The following QSER1 variants were observed in gnomAD, a reference collection of about 807,000 sequenced individuals.
QSER1 encodes glutamine and serine-rich protein 1.
A neutral mutation model predicts 158.5 loss-of-function variants in QSER1; 49 were observed. That is an observed-to-expected ratio of 0.31 (90% confidence interval 0.25 to 0.39). The LOEUF (loss-of-function observed/expected upper bound fraction) is 0.39, where lower values mean the gene tolerates loss of function less well. Among genes scored for constraint, QSER1 ranks in the 10% least tolerant of loss-of-function variants. The pLI is 1.00. For missense variants in QSER1, 1,754 were observed against 2,010.3 expected (o/e 0.87, Z 2.44); for synonymous variants, 650 against 715.5 (o/e 0.91, Z 1.46).
intron 1 of QSER1, chr11:32,926,604 AGG>A (rs1475797136): frequency 6.6e-6 from 1 of 152,148 alleles, no homozygotes; most frequent in Non-Finnish European, 1.5e-5. Context: ...TTCCAAGAAG[AGG>A]GGGAAAAATC....
At chr11:32,898,954 T>A (rs1027921011) in intron 1 of QSER1, among the ~76,000 whole-genome samples, 3 of 152,146 alleles carry the variant, frequency 2.0e-5, no homozygotes, top group Non-Finnish European at 4.4e-5. Context: ...TCTCACCCTA[T>A]CCCCACCTCC....
chr11:32,951,341 T>G (rs1162280969), intron 4 of QSER1, among the ~76,000 whole-genome samples: 1 of 152,216 alleles, frequency 6.6e-6, no homozygotes, highest in Admixed American at 6.5e-5. Context: ...AGCTTTATGG[T>G]AAGTTTTGAA....
Position 32,954,142 on chromosome 11 carries a change from A to C in QSER1, c.4463A>C (p.Glu1488Ala). ...GGEGQYRERD[E>A]FVVKIEDIET... ...GAAGGCCAATACAGAGAGCGTGATG[A>C]ATTTGTGGTAAAGATAGAAGACATA... The change falls in exon 5 of 13, where the codon GAA (glutamate) becomes GCA (alanine). Residue 1488 changes from glutamate to alanine, a missense_variant. Around this residue, in one of 2 missense-constraint regions of QSER1, gnomAD observed 1,707 missense variants for 1,919.6 expected, o/e 0.89. Coordinates refer to ENST00000650167, the MANE Select transcript of QSER1 (RefSeq NM_001076786.3). The C allele has an allele frequency of 6.2e-7, 1 of 1,613,832 alleles. No homozygotes were observed. The highest frequency in any genetic ancestry group is 1.1e-5 in the South Asian group (1 of 91,066).
Position 32,927,950 on chromosome 11 carries a change from C to A in QSER1, c.323-12C>A, listed in dbSNP as rs1017269938. ...TTTTTTACTTTGGGATATATTTTAT[C>A]TTCAAATTTAGGTCTTTCTGGAATA... On this transcript the variant is annotated splice_polypyrimidine_tract_variant and intron_variant, in intron 2 of 12. Coordinates refer to ENST00000650167, the MANE Select transcript of QSER1 (RefSeq NM_001076786.3). 6.1e-6 allele frequency: 4 copies of A among 652,822 alleles called. No individual in the cohort carries two copies. Among genetic ancestry groups the A allele is most frequent in the South Asian group, 2.8e-5 (1 of 36,078 alleles). The allele number at this position is 652,822 out of a possible 1,614,324, so 40.4% of individuals were successfully genotyped here.
rs1298326474 is a variant in QSER1, at chr11:32,932,366, T to C, written c.1108T>C (p.Ser370Pro). The C allele has an allele frequency of 6.2e-7, 1 of 1,612,386 alleles. No individual in the cohort carries two copies. Among genetic ancestry groups the C allele is most frequent in the Non-Finnish European group, 8.5e-7 (1 of 1,180,026 alleles). ...TTTATCCTGTAGCCCAATTGGAGAT[T>C]CCACTCAGGTGAGCAACGGAGGATT... ...SSLSCSPIGD[S>P]TQVSNGGLQQ... The change falls in exon 4 of 13, where the codon TCC (serine) becomes CCC (proline). Residue 370 changes from serine (S) to proline (P), a missense_variant. Around this residue, in one of 2 missense-constraint regions of QSER1, gnomAD observed 1,707 missense variants for 1,919.6 expected, o/e 0.89. Coordinates refer to ENST00000650167, the MANE Select transcript of QSER1 (RefSeq NM_001076786.3).
At chr11:32,935,492 A>T (rs1564936266) in intron 4 of QSER1, 57 bp downstream of exon 4, 3 of 1,308,822 alleles carry the variant, frequency 2.3e-6, no homozygotes, top group Non-Finnish European at 3.1e-6. Flanking sequence ...TTCCAGCTAT[A>T]GCCCACATTT....
intron 8 of QSER1, among the ~76,000 whole-genome samples, chr11:32,958,724 ATAAC>A (rs1852569409): frequency 6.6e-6 from 1 of 152,222 alleles, no homozygotes; most frequent in African/African-American, 2.4e-5. Context: ...GAAGAAAAGA[ATAAC>A]TAAGCCTAGG....
In QSER1 at chr11:32,893,428, G is replaced by A. The variant is rs1377912772; in HGVS notation, c.209+94G>A. Reference sequence around the variant, plus strand: ...CGGTTGCAGCGCCGCCCAGAGGTCTGGGCCGGGCGGGGAGCCCTCCGCTCG... The same window carrying A: ...CGGTTGCAGCGCCGCCCAGAGGTCTAGGCCGGGCGGGGAGCCCTCCGCTCG... On this transcript the variant is annotated intron_variant, in intron 1 of 12. Transcript: ENST00000650167. This position sits in a 1 kb window ranked among gnomAD's most constrained non-coding sequence, Gnocchi z 4.7. 6 of 152,294 alleles carry A rather than the reference G, an allele frequency of 3.9e-5. No individual in the cohort carries two copies. The highest frequency in any genetic ancestry group is 8.8e-5 in the Non-Finnish European group (6 of 68,104). The allele number at this position is 152,294 out of a possible 1,614,324, so 9.4% of individuals were successfully genotyped here. A position where few individuals can be genotyped will look rare whatever the true frequency, so the allele number is the denominator to read the frequency against.
intron 10 of QSER1, 132 bp from the exon 11 acceptor site, chr11:32,973,265 G>T: frequency 1.2e-6 from 1 of 859,258 alleles, no homozygotes; most frequent in South Asian, 1.5e-5. Flanking sequence ...CTGCAAATAG[G>T]TGTTTGTGTG....
rs780081276 is a variant in QSER1 at position 32,893,980 on chromosome 11, T to C, written c.209+646T>C. Among the ~76,000 whole-genome samples the C allele has an allele frequency of 1.3e-5, 2 of 151,992 alleles. No individual in the cohort carries two copies. Among genetic ancestry groups the C allele is most frequent in the Admixed American group, 6.6e-5 (1 of 15,264 alleles). Reference sequence around the variant, plus strand: ...TTTTCTTCCACGCGTTCAAAGTTGCTCTTAGGTTTCCTCCCCTTTTAACAA... The same window carrying C: ...TTTTCTTCCACGCGTTCAAAGTTGCCCTTAGGTTTCCTCCCCTTTTAACAA... On this transcript the variant is annotated intron_variant, in intron 1 of 12. Transcript: ENST00000650167. The surrounding 1 kb of genome is among the most constrained non-coding windows in gnomAD (Gnocchi z 4.7).
chr11:32,967,410 C>T (rs557849688), intron 9 of QSER1, among the ~76,000 whole-genome samples: 1 of 152,140 alleles, frequency 6.6e-6, no homozygotes, highest in African/African-American at 2.4e-5. Flanking sequence ...CACTAAAATC[C>T]CAGACTTCAC....
chr11:32,979,689 T>C lies in QSER1; in HGVS notation c.*3215T>C, dbSNP rs975980747. On this transcript the variant is annotated 3_prime_UTR_variant, in exon 13 of 13. Coordinates refer to ENST00000650167, the MANE Select transcript of QSER1 (RefSeq NM_001076786.3). ...TGTAGATGGACTCATGCATTAAGAC[T>C]GTTTTCAAAGCTTTCCTCACATTTT... 8 of 152,242 alleles carry C rather than the reference T, an allele frequency of 5.3e-5. No individual in the cohort carries two copies. Among genetic ancestry groups the C allele is most frequent in the African/African-American group, 1.9e-4 (8 of 41,476 alleles). 9.4% of individuals were successfully genotyped at this position (152,242 alleles called of 1,614,324 possible).
In QSER1 at chr11:32,932,020, C is replaced by T. The variant is rs767568797; in HGVS notation, c.762C>T (p.Asn254=). ...GCCTGGGCAGTTCTGTATTAAGTAA[C>T]AGCATACCACCTCAGTCTTCAACAT... ...FERLGSSVLS[N]SIPPQSSTYR... is the part of the protein sequence containing the mutation. Residue 254 remains asparagine, a synonymous_variant, in exon 4 of 13, where the codon AAC becomes AAT. Transcript: ENST00000650167. 15 of 1,614,104 alleles carry T rather than the reference C, an allele frequency of 9.3e-6. No homozygotes were observed. Among genetic ancestry groups the T allele is most frequent in the African/African-American group, 2.7e-5 (2 of 74,934 alleles).
intron 1 of QSER1, among the ~76,000 whole-genome samples, chr11:32,918,811 TATAAATTAGATCAATA>T (rs1394992996): frequency 1.3e-5 from 2 of 152,146 alleles, no homozygotes; most frequent in African/African-American, 2.4e-5. Context: ...CCCTGATATT[TATAAATTAGATCAATA>T]ATTATTCTAA....
intron 8 of QSER1, 83 bp downstream of exon 8, chr11:32,958,169 A>T: frequency 9.2e-7 from 1 of 1,091,090 alleles, no homozygotes; most frequent in Non-Finnish European, 1.3e-6. Flanking sequence ...ACAATTCAAA[A>T]TGTATTTACT....
intron 1 of QSER1, among the ~76,000 whole-genome samples, chr11:32,909,115 G>A (rs1287604182): frequency 6.6e-6 from 1 of 152,130 alleles, no homozygotes; most frequent in African/African-American, 2.4e-5. Flanking sequence ...AGCTGAGATC[G>A]CGCCACTGCA....
At chr11:32,943,341 G>T (rs1852272430) in intron 4 of QSER1, among the ~76,000 whole-genome samples, 1 of 148,000 alleles carries the variant, frequency 6.8e-6, no homozygotes, top group Admixed American at 6.7e-5. Context: ...TCCAGTTTTT[G>T]CCCATTCAGT....
rs770675050 is a variant in QSER1, at chr11:32,932,678, G to A, written c.1420G>A (p.Gly474Ser). 9 of 1,613,930 alleles carry A rather than the reference G, an allele frequency of 5.6e-6. No homozygotes were observed. The highest frequency in any genetic ancestry group is 3.3e-4 in the Middle Eastern group (2 of 6,084). ...LLSVSQSQNYGLVQPHNVPSI... is the reference protein window; with the variant it reads ...LLSVSQSQNYSLVQPHNVPSI... Reference sequence around the variant, plus strand: ...ATCAGTTAGTCAGTCCCAAAATTACGGTTTAGTACAGCCACATAATGTGCC... The same window carrying A: ...ATCAGTTAGTCAGTCCCAAAATTACAGTTTAGTACAGCCACATAATGTGCC... The change falls in exon 4 of 13, where the codon GGT becomes AGT. Residue 474 changes from glycine to serine, a missense_variant. This residue lies in a region of QSER1 where 1,707 missense variants were observed against 1,919.6 expected (regional missense o/e 0.89). Coordinates refer to ENST00000650167, the MANE Select transcript of QSER1 (RefSeq NM_001076786.3).
At chr11:32,909,683 C>T (rs1342199186) in intron 1 of QSER1, among the ~76,000 whole-genome samples, 1 of 152,148 alleles carries the variant, frequency 6.6e-6, no homozygotes, top group Admixed American at 6.5e-5. Context: ...CTCAGGTGAT[C>T]CACCCACCTT....
Sources: allele counts gnomAD v4.1 joint callset (sites outside exome capture counted in the v4.1 genomes callset), GRCh38; gene constraint gnomAD v4.1.1; regional missense constraint gnomAD v4.1.1; non-coding constraint Gnocchi (gnomAD v3.1); transcripts MANE v1.5; gene names NCBI Gene and HGNC (gene_info 2026-07-23, HGNC 2026-07-21).